Variants in CGAS observed in about 807,000 individuals in gnomAD.
CGAS encodes the protein 2'3'-cGAMP synthase.
A neutral mutation model predicts 34.0 loss-of-function variants in CGAS; 31 were observed. That is an observed-to-expected ratio of 0.91 (90% confidence interval 0.69 to 1.23). The LOEUF (loss-of-function observed/expected upper bound fraction) is 1.23. CGAS is among the 50% of genes most tolerant of loss of function. The probability of loss-of-function intolerance (pLI) is 0.00; values close to 1 mark genes in which losing one functional copy is unlikely to be tolerated. For missense variants in CGAS, 597 were observed against 657.6 expected (o/e 0.91, Z 1.01); for synonymous variants, 266 against 260.0 (o/e 1.02, Z -0.22).
At chr6:73,440,917 A>C (rs938168397) in intron 2 of CGAS, among the ~76,000 whole-genome samples, 4 of 151,974 alleles carry the variant, frequency 2.6e-5, no homozygotes, top group African/African-American at 9.6e-5. Context: ...AGAAAAAAAA[A>C]CAAAAAACAA....
intron 1 of CGAS, among the ~76,000 whole-genome samples, 169 bp from the exon 2 acceptor site, chr6:73,445,916 A>G (rs1034001098): frequency 6.6e-6 from 1 of 152,178 alleles, no homozygotes; most frequent in Non-Finnish European, 1.5e-5. Context: ...GAGGTGGAAG[A>G]GTATTACCAG....
chr6:73,446,478 C>A lies in CGAS; in HGVS notation c.658-731G>T, dbSNP rs6900766. On this transcript the variant is annotated intron_variant, in intron 1 of 4. Coordinates refer to ENST00000370315, the MANE Select transcript of CGAS (RefSeq NM_138441.3). ...CGGTGGCTCACGCCTGTAATCCCAG[C>A]ACTTTGGGAGGCCGAGGCGGGTGGA... Among the ~76,000 whole-genome samples, 2 of 25,478 alleles carry A rather than the reference C, an allele frequency of 7.8e-5. 1 individual carries two copies. The highest frequency in any genetic ancestry group is 1.4e-4 in the Non-Finnish European group (2 of 14,124). The allele number at this position is 25,478 out of a possible 152,430, so 16.7% of individuals were successfully genotyped here.
At chr6:73,432,510 C>A (rs538331952) in intron 3 of CGAS, among the ~76,000 whole-genome samples, 1 of 151,956 alleles carries the variant, frequency 6.6e-6, no homozygotes, top group Admixed American at 6.6e-5. Context: ...CAGGCTGGAG[C>A]GCAGTGACAT....
In CGAS at chr6:73,425,132, T is replaced by C. The variant is rs947445538; in HGVS notation, c.*95A>G. ...GCCTCCAAAGAGCTGGGATTACAGG[T>C]GTGAGCCACAGCGTCTGGCCCCTTT... On this transcript the variant is annotated 3_prime_UTR_variant, in exon 5 of 5. Coordinates refer to ENST00000370315, the MANE Select transcript of CGAS (RefSeq NM_138441.3). 3.3e-6 allele frequency: 3 copies of C among 904,720 alleles called. No individual in the cohort carries two copies. Among genetic ancestry groups the C allele is most frequent in the Non-Finnish European group, 4.9e-6 (3 of 612,526 alleles). 56.0% of individuals were successfully genotyped at this position (904,720 alleles called of 1,614,324 possible). A position where few individuals can be genotyped will look rare whatever the true frequency, so the allele number is the denominator to read the frequency against.
chr6:73,429,210 G>C lies in CGAS; in HGVS notation c.1115-399C>G, dbSNP rs1259295841. Reference sequence around the variant, plus strand: ...CATCAAAAAAAAAAAAAGAAAGAAAGAAAAAGAAAATATTCTGAAAAAATC... The same window carrying C: ...CATCAAAAAAAAAAAAAGAAAGAAACAAAAAGAAAATATTCTGAAAAAATC... On this transcript the variant is annotated intron_variant, in intron 3 of 4. Coordinates refer to ENST00000370315, the MANE Select transcript of CGAS (RefSeq NM_138441.3). 4.8e-5 allele frequency among the ~76,000 whole-genome samples: 7 copies of C among 147,156 alleles called. No individual in the cohort carries two copies. In the East Asian group the frequency reaches 1.4e-3, roughly 29 times the overall value.
At chr6:73,425,950 G>C (rs1770079102) in intron 4 of CGAS, among the ~76,000 whole-genome samples, 1 of 151,428 alleles carries the variant, frequency 6.6e-6, no homozygotes, top group Non-Finnish European at 1.5e-5. Context: ...CTCCAGCCTG[G>C]GCAACAAGAA....
At chr6:73,428,686 A>G (rs1019114170) in intron 4 of CGAS, 23 bp downstream of exon 4, 7 of 1,595,848 alleles carry the variant, frequency 4.4e-6, no homozygotes, top group Non-Finnish European at 6.0e-6. Flanking sequence ...ATAATCTGTC[A>G]TTTAACAAAA....
rs1770356269 is a variant in CGAS at position 73,440,356 on chromosome 6, C to T, written c.967G>A (p.Ala323Thr). 1 of 1,614,026 alleles carries T rather than the reference C, an allele frequency of 6.2e-7. No individual in the cohort carries two copies. The highest frequency in any genetic ancestry group is 1.3e-5 in the African/African-American group (1 of 74,908). The change falls in exon 3 of 5, where the codon GCT (alanine) becomes ACT (threonine). Residue 323 changes from alanine to threonine, a missense_variant. Ala to Thr is a moderately conservative substitution (Grantham distance 58). Transcript: ENST00000370315. ...SEKISVDITLALESKSSWPAS... is the reference protein window; with the variant it reads ...SEKISVDITLTLESKSSWPAS... ...GGCCAGCTACTTTTTGATTCCAAAG[C>T]CAGGGTTATATCCACAGATATTTTT... is the stretch of plus-strand genomic sequence containing the variant.
intron 3 of CGAS, among the ~76,000 whole-genome samples, chr6:73,432,114 G>T (rs1291006718): frequency 6.6e-6 from 1 of 151,894 alleles, no homozygotes; most frequent in South Asian, 2.1e-4. Flanking sequence ...GTGAGCCACT[G>T]TGCCCAGCTA....
At chr6:73,447,256 G>A (rs1770487438) in intron 1 of CGAS, among the ~76,000 whole-genome samples, 1 of 151,874 alleles carries the variant, frequency 6.6e-6, no homozygotes, top group East Asian at 1.9e-4. Context: ...CTAAATATTT[G>A]ATTTTTAAAT....
chr6:73,439,640 G>A (rs1770341553), intron 3 of CGAS: 1 of 152,318 alleles, frequency 6.6e-6, no homozygotes, highest in Admixed American at 6.6e-5. Flanking sequence ...CCTGATCTGT[G>A]AGGCTGAGAC....
chr6:73,440,419 T>C lies in CGAS; in HGVS notation c.904A>G (p.Arg302Gly). The C allele has an allele frequency of 6.2e-7, 1 of 1,613,766 alleles. No homozygotes were observed. The highest frequency in any genetic ancestry group is 8.5e-7 in the Non-Finnish European group (1 of 1,179,878). ...KDTDVIMKRKRGGSPAVTLLI... is the reference protein window; with the variant it reads ...KDTDVIMKRKGGGSPAVTLLI... ...AGTGTTACAGCAGGGCTCCCTCCTC[T>C]TTTCCTCTTCATGATGACATCTGTA... Residue 302 changes from arginine to glycine, a missense_variant, in exon 3 of 5, where the codon AGA becomes GGA. This residue lies in a region of CGAS where 271 missense variants were observed against 324.1 expected (regional missense o/e 0.84). Transcript: ENST00000370315.
intron 1 of CGAS, among the ~76,000 whole-genome samples, chr6:73,450,927 T>C (rs1770552789): frequency 2.0e-5 from 3 of 149,832 alleles, no homozygotes; most frequent in East Asian, 2.0e-4. Flanking sequence ...GAGGCGGAGC[T>C]TGCAGTGAGC....
chr6:73,442,375 C>T (rs1770392405), intron 2 of CGAS, among the ~76,000 whole-genome samples: 1 of 151,512 alleles, frequency 6.6e-6, no homozygotes, highest in Non-Finnish European at 1.5e-5. Flanking sequence ...TCCATACTCA[C>T]CCATCTTTCT....
At chr6:73,433,484 G>GT (rs544194036) in intron 3 of CGAS, among the ~76,000 whole-genome samples, 4,194 of 139,300 alleles carry the variant, frequency 0.03, 202 homozygotes, top group African/African-American at 0.1. Context: ...TTTATAGAGA[G>GT]TTTTTTTTTT....
intron 1 of CGAS, among the ~76,000 whole-genome samples, chr6:73,447,285 T>C (rs12198919): frequency 6.6e-6 from 1 of 151,978 alleles, no homozygotes. Context: ...AAGTTTTCAG[T>C]TTTTTGTTTT....
intron 3 of CGAS, among the ~76,000 whole-genome samples, chr6:73,436,128 A>G (rs1770275920): frequency 6.6e-6 from 1 of 151,618 alleles, no homozygotes; most frequent in African/African-American, 2.4e-5. Context: ...AAGAAGAACA[A>G]CCCTAACTCC....
chr6:73,443,058 T>C (rs1292036616), intron 2 of CGAS, among the ~76,000 whole-genome samples: 7 of 152,036 alleles, frequency 4.6e-5, no homozygotes, highest in Non-Finnish European at 1.0e-4. Flanking sequence ...TTATCTCCAC[T>C]GCAACCCTGC....
At chr6:73,447,278 T>C (rs1431119198) in intron 1 of CGAS, among the ~76,000 whole-genome samples, 1 of 152,052 alleles carries the variant, frequency 6.6e-6, no homozygotes, top group Non-Finnish European at 1.5e-5. Context: ...GTTTTTCAAG[T>C]TTTCAGTTTT....
Sources: gnomAD v4.1 joint callset for allele counts (sites outside exome capture counted in the v4.1 genomes callset) on GRCh38, gnomAD v4.1.1 for gene constraint, gnomAD v4.1.1 regional missense constraint, MANE v1.5 for transcripts, NCBI Gene and HGNC (gene_info 2026-07-23, HGNC 2026-07-21) for gene names.